The following ZRANB3 variants were observed in gnomAD, a reference collection of about 807,000 sequenced individuals.
ZRANB3 encodes the protein DNA annealing helicase and endonuclease ZRANB3.
ZRANB3 carries 125 observed loss-of-function variants against 133.8 expected under a neutral mutation model. The observed-to-expected ratio is 0.93, with a 90% CI of 0.81 to 1.08. ZRANB3 has a LOEUF of 1.08. Among genes scored for constraint, ZRANB3 ranks in the 50% least tolerant of loss-of-function variants. ZRANB3 has a pLI of 0.00. For synonymous variants in ZRANB3, 387 were observed against 432.7 expected (o/e 0.89, Z 1.31); for missense variants, 1,229 against 1,275.5 (o/e 0.96, Z 0.56).
intron 3 of ZRANB3, among the ~76,000 whole-genome samples, chr2:135,370,247 T>C (rs1033881710): frequency 6.6e-6 from 1 of 151,954 alleles, no homozygotes; most frequent in South Asian, 2.1e-4. Flanking sequence ...AGTTCTTTAG[T>C]GGTGATTTGT....
At chr2:135,320,082 T>C (rs1171692719) in intron 6 of ZRANB3, among the ~76,000 whole-genome samples, 1 of 152,114 alleles carries the variant, frequency 6.6e-6, no homozygotes, top group African/African-American at 2.4e-5. Flanking sequence ...CAGGCTAGAA[T>C]ACAGTGGCCA....
chr2:135,206,883 G>A (rs1396850872), intron 19 of ZRANB3, among the ~76,000 whole-genome samples: 1 of 152,122 alleles, frequency 6.6e-6, no homozygotes, highest in African/African-American at 2.4e-5. Context: ...TCTAGGAGAT[G>A]GCCGGGCATG....
At chr2:135,483,115 A>G (rs1012267240) in intron 2 of ZRANB3, among the ~76,000 whole-genome samples, 6 of 152,040 alleles carry the variant, frequency 3.9e-5, no homozygotes, top group African/African-American at 1.2e-4. Context: ...TTGGTATCAG[A>G]ATGATGCTGG....
intron 2 of ZRANB3, among the ~76,000 whole-genome samples, chr2:135,463,787 A>G (rs1405844250): frequency 1.3e-5 from 2 of 152,212 alleles, no homozygotes; most frequent in African/African-American, 4.8e-5. Context: ...AAAGTATACC[A>G]GAAAGTTTTT....
At chr2:135,217,226 G>A (rs1273480081) in intron 17 of ZRANB3, among the ~76,000 whole-genome samples, 4 of 152,152 alleles carry the variant, frequency 2.6e-5, no homozygotes, top group Admixed American at 6.5e-5. Flanking sequence ...TCTTTTTGTT[G>A]ATTGATGGGA....
chr2:135,451,645 C>A (rs531776239), intron 2 of ZRANB3, among the ~76,000 whole-genome samples: 35 of 151,038 alleles, frequency 2.3e-4, no homozygotes, highest in African/African-American at 8.2e-4. Flanking sequence ...CAAAAAATCA[C>A]ACACACACAG....
chr2:135,352,821 T>C (rs1243731667), intron 4 of ZRANB3, among the ~76,000 whole-genome samples: 1 of 152,170 alleles, frequency 6.6e-6, no homozygotes, highest in Non-Finnish European at 1.5e-5. Context: ...ACATAATTTG[T>C]ATGAATCACC....
intron 2 of ZRANB3, among the ~76,000 whole-genome samples, chr2:135,497,130 T>A (rs1411252184): frequency 6.6e-6 from 1 of 152,194 alleles, no homozygotes; most frequent in African/African-American, 2.4e-5. Context: ...TTCATATTCA[T>A]GGAATGAAAT....
At chr2:135,400,881 A>C (rs1476628929) in intron 2 of ZRANB3, among the ~76,000 whole-genome samples, 1 of 152,232 alleles carries the variant, frequency 6.6e-6, no homozygotes, top group Non-Finnish European at 1.5e-5. Flanking sequence ...TGGCCTACGG[A>C]CAGTAATTTA....
At chr2:135,204,606 C>T (rs1318876396) in intron 19 of ZRANB3, among the ~76,000 whole-genome samples, 1 of 144,454 alleles carries the variant, frequency 6.9e-6, no homozygotes, top group Non-Finnish European at 1.5e-5. Flanking sequence ...CAAGATCATC[C>T]TGGGAAACAC....
chr2:135,324,146 A>G, intron 6 of ZRANB3, among the ~76,000 whole-genome samples: 1 of 151,738 alleles, frequency 6.6e-6, no homozygotes, highest in Non-Finnish European at 1.5e-5. Context: ...TTTGTTACAT[A>G]TGTATACATG....
At chr2:135,290,517 G>A (rs1282544280) in intron 8 of ZRANB3, among the ~76,000 whole-genome samples, 3 of 152,210 alleles carry the variant, frequency 2.0e-5, no homozygotes, top group Non-Finnish European at 4.4e-5. Context: ...CCTGAAGACA[G>A]CAGATACTTG....
intron 8 of ZRANB3, among the ~76,000 whole-genome samples, chr2:135,298,138 T>G (rs141029183): frequency 2.0e-5 from 3 of 152,054 alleles, no homozygotes; most frequent in Admixed American, 6.5e-5. Flanking sequence ...TGAGGCATGA[T>G]AATTGCTTGA....
intron 2 of ZRANB3, among the ~76,000 whole-genome samples, chr2:135,405,452 G>A (rs138741547): frequency 6.6e-6 from 1 of 152,132 alleles, no homozygotes; most frequent in South Asian, 2.1e-4. Context: ...ATTAAATACA[G>A]CTCTGCACCA....
intron 2 of ZRANB3, among the ~76,000 whole-genome samples, chr2:135,419,497 G>T (rs539887441): frequency 6.6e-6 from 1 of 152,066 alleles, no homozygotes; most frequent in South Asian, 2.1e-4. Context: ...CACTGAAATG[G>T]GAATATGCAT....
At chr2:135,432,781 C>T (rs768195379) in intron 2 of ZRANB3, among the ~76,000 whole-genome samples, 69 of 152,132 alleles carry the variant, frequency 4.5e-4, no homozygotes, top group South Asian at 2.1e-4. Context: ...ACAACAACAA[C>T]AAAAAGTTAG....
chr2:135,393,780 C>T (rs374203592), intron 2 of ZRANB3, among the ~76,000 whole-genome samples: 6 of 152,146 alleles, frequency 3.9e-5, no homozygotes, highest in African/African-American at 1.4e-4. Flanking sequence ...AGGACTGGTA[C>T]TGGTCTAATC....
At chr2:135,291,864 C>T (rs531137799) in intron 8 of ZRANB3, among the ~76,000 whole-genome samples, 25 of 151,648 alleles carry the variant, frequency 1.6e-4, no homozygotes, top group African/African-American at 4.1e-4. Flanking sequence ...TTTCTCCTTG[C>T]GATAGTTTGC....
chr2:135,231,383 T>A (rs1217568949), intron 12 of ZRANB3, among the ~76,000 whole-genome samples: 2 of 152,122 alleles, frequency 1.3e-5, no homozygotes, highest in African/African-American at 4.8e-5. Context: ...ATCAAGGACC[T>A]AAAAAAATGC....
Sources: allele counts gnomAD v4.1 joint callset (sites outside exome capture counted in the v4.1 genomes callset), GRCh38; gene constraint gnomAD v4.1.1; transcripts MANE v1.5; gene names NCBI Gene and HGNC (gene_info 2026-07-23, HGNC 2026-07-21).